KCNMB2: variants seen among roughly 807,000 people sequenced by gnomAD.
KCNMB2 encodes the protein potassium calcium-activated channel subfamily M regulatory beta subunit 2, also known as calcium-activated potassium channel subunit beta-2.
In KCNMB2, 9 loss-of-function variants were observed where a neutral mutation model predicts 24.5. The ratio of observed to expected loss-of-function variants is 0.37; its 90% CI spans 0.22 to 0.64. KCNMB2 has a LOEUF of 0.64. Among genes scored for constraint, KCNMB2 ranks in the 30% least tolerant of loss-of-function variants. The pLI, the probability that KCNMB2 is intolerant of heterozygous loss-of-function variation, is 0.63. For missense variants in KCNMB2, 226 were observed against 284.3 expected (o/e 0.79, Z 1.47); for synonymous variants, 109 against 104.4 (o/e 1.04, Z -0.27).
At chr3:178,824,155 G>A (rs73882876) in intron 2 of KCNMB2, among the ~76,000 whole-genome samples, 1 of 151,782 alleles carries the variant, frequency 6.6e-6, no homozygotes, top group Non-Finnish European at 1.5e-5. Flanking sequence ...CAGCACTTCC[G>A]CATTTCTTTT....
At chr3:178,704,417 T>C (rs1722208598) in intron 1 of KCNMB2, among the ~76,000 whole-genome samples, 1 of 152,176 alleles carries the variant, frequency 6.6e-6, no homozygotes, top group Non-Finnish European at 1.5e-5. Context: ...ATGGTAGTCA[T>C]TAGCCAAACA....
chr3:178,582,424 G>A lies in KCNMB2; in HGVS notation c.-68+45713G>A, dbSNP rs1717248723. Reference sequence around the variant, plus strand: ...TACCTAATGTAGGTGACAGGTTGATGGGTACAGCAAACCACCATGGCACAC... The same window carrying A: ...TACCTAATGTAGGTGACAGGTTGATAGGTACAGCAAACCACCATGGCACAC... On this transcript the variant is annotated intron_variant, in intron 1 of 4. Coordinates refer to ENST00000452583, the MANE Select transcript of KCNMB2 (RefSeq NM_181361.3). Among the ~76,000 whole-genome samples the A allele has an allele frequency of 5.9e-5, 9 of 152,160 alleles. No individual in the cohort carries two copies. In the South Asian group the frequency reaches 1.9e-3, roughly 32 times the overall value.
At chr3:178,688,586 A>T (rs1721552142) in intron 1 of KCNMB2, among the ~76,000 whole-genome samples, 1 of 152,212 alleles carries the variant, frequency 6.6e-6, no homozygotes, top group Non-Finnish European at 1.5e-5. Context: ...GAAGATACAT[A>T]TCCCAGAGGC....
chr3:178,759,316 G>GAT lies in KCNMB2; in HGVS notation c.-67-48010_-67-48009dup, dbSNP rs775862765. 5.5e-4 allele frequency among the ~76,000 whole-genome samples: 32 copies of GAT among 57,878 alleles called. 3 individuals carry two copies. Among genetic ancestry groups the GAT allele is most frequent in the Admixed American group, 1.2e-3 (6 of 4,810 alleles). 38.0% of individuals were successfully genotyped at this position (57,878 alleles called of 152,430 possible). Reference sequence around the variant, plus strand: ...GGAGACATATATATATCTCCAAGAGGATATATATATATATATATCTCCAAG... The same window carrying GAT: ...GGAGACATATATATATCTCCAAGAGGATATATATATATATATATATCTCCAAG... On this transcript the variant is annotated intron_variant, in intron 1 of 4. Coordinates refer to ENST00000452583, the MANE Select transcript of KCNMB2 (RefSeq NM_181361.3).
intron 2 of KCNMB2, among the ~76,000 whole-genome samples, chr3:178,818,286 G>C (rs1344845294): frequency 1.3e-5 from 2 of 152,134 alleles, no homozygotes; most frequent in Non-Finnish European, 2.9e-5. Context: ...TTGTTCTTAA[G>C]TTCTGGGGTA....
chr3:178,815,798 ACC>A (rs1714383628), intron 2 of KCNMB2, among the ~76,000 whole-genome samples: 1 of 152,038 alleles, frequency 6.6e-6, no homozygotes, highest in Non-Finnish European at 1.5e-5. Context: ...TATGATTATA[ACC>A]CTTTAATATA....
rs1714810512 is a variant in KCNMB2, at chr3:178,825,776, G to A, written c.227+18G>A. On this transcript the variant is annotated intron_variant, in intron 3 of 4. Coordinates refer to ENST00000452583, the MANE Select transcript of KCNMB2 (RefSeq NM_181361.3). ...ATGCAGAGGTAATACCACTGGGTGG[G>A]TGGGACCCTGCTGTTTGTCTCCTGC... is the stretch of plus-strand genomic sequence containing the variant. 2 of 1,584,212 alleles carry A rather than the reference G, an allele frequency of 1.3e-6. No individual in the cohort carries two copies. The highest frequency in any genetic ancestry group is 3.4e-5 in the Admixed American group (2 of 59,530).
At chr3:178,756,986 A>AAGT (rs942074715) in intron 1 of KCNMB2, 4 of 151,922 alleles carry the variant, frequency 2.6e-5, no homozygotes, top group African/African-American at 9.7e-5. Context: ...AAATGGGAAG[A>AAGT]AGTGGCACTA....
At chr3:178,685,618 A>T (rs981955054) in intron 1 of KCNMB2, among the ~76,000 whole-genome samples, 1 of 152,216 alleles carries the variant, frequency 6.6e-6, no homozygotes. Context: ...TTTATATAAC[A>T]TCATCCTATT....
At chr3:178,826,531 T>C (rs1214267191) in intron 3 of KCNMB2, among the ~76,000 whole-genome samples, 1 of 152,202 alleles carries the variant, frequency 6.6e-6, no homozygotes, top group Non-Finnish European at 1.5e-5. Context: ...GTAAGCCATG[T>C]AGTAAATCCC....
At chr3:178,626,732 G>T (rs1719131793) in intron 1 of KCNMB2, among the ~76,000 whole-genome samples, 1 of 151,956 alleles carries the variant, frequency 6.6e-6, no homozygotes, top group Admixed American at 6.6e-5. Context: ...CTAGACACAT[G>T]GAGATTATGA....
In KCNMB2 at chr3:178,828,298, G is replaced by C. The variant is rs1434175878; in HGVS notation, c.348G>C (p.Val116=). 1 of 1,613,972 alleles carries C rather than the reference G, an allele frequency of 6.2e-7. No individual in the cohort carries two copies. The highest frequency in any genetic ancestry group is 1.7e-5 in the Admixed American group (1 of 60,004). The change falls in exon 4 of 5, where the codon GTG becomes GTC. Residue 116 remains valine, a synonymous_variant. Transcript: ENST00000452583. ...TTTCTCAGTACCCCTGCCTCCAGGT[G>C]TACGTTAACCTGACTTCTTCCGGGG... ...WKLSQYPCLQ[V]YVNLTSSGEK... is the part of the protein sequence containing the mutation.
intron 1 of KCNMB2, among the ~76,000 whole-genome samples, chr3:178,744,916 G>C (rs1723614291): frequency 6.6e-6 from 1 of 152,158 alleles, no homozygotes; most frequent in South Asian, 2.1e-4. Flanking sequence ...GAAGGTAATG[G>C]TGAACAAGCA....
intron 1 of KCNMB2, among the ~76,000 whole-genome samples, chr3:178,639,049 G>T (rs1271661021): frequency 6.6e-6 from 1 of 152,054 alleles, no homozygotes; most frequent in African/African-American, 2.4e-5. Flanking sequence ...ATCGGTTTTA[G>T]CTGTACTAGA....
chr3:178,724,667 C>T (rs762016012), intron 1 of KCNMB2, among the ~76,000 whole-genome samples: 19 of 152,118 alleles, frequency 1.2e-4, no homozygotes, highest in East Asian at 1.9e-4. Flanking sequence ...ATCCATCTTG[C>T]GTTAATTTTT....
At chr3:178,635,553 T>C (rs1719491574) in intron 1 of KCNMB2, among the ~76,000 whole-genome samples, 2 of 152,192 alleles carry the variant, frequency 1.3e-5, no homozygotes, top group Non-Finnish European at 1.5e-5. Context: ...GTCACAGTTT[T>C]CTATGAATGA....
chr3:178,606,006 T>A (rs1718258203), intron 1 of KCNMB2, among the ~76,000 whole-genome samples: 1 of 152,154 alleles, frequency 6.6e-6, no homozygotes, highest in Non-Finnish European at 1.5e-5. Flanking sequence ...GACCATTTGA[T>A]AAGATTTGTG....
intron 1 of KCNMB2, among the ~76,000 whole-genome samples, chr3:178,675,304 C>A (rs1331054076): frequency 2.0e-5 from 3 of 152,190 alleles, no homozygotes; most frequent in African/African-American, 7.2e-5. Flanking sequence ...CCAAGACTTG[C>A]AGAACTTGAT....
At chr3:178,784,181 A>T (rs1712999223) in intron 1 of KCNMB2, among the ~76,000 whole-genome samples, 1 of 152,186 alleles carries the variant, frequency 6.6e-6, no homozygotes, top group Admixed American at 6.6e-5. Flanking sequence ...GGGAGAAATA[A>T]TTTACATTTA....
Sources: allele counts gnomAD v4.1 joint callset (sites outside exome capture counted in the v4.1 genomes callset), GRCh38; gene constraint gnomAD v4.1.1; transcripts MANE v1.5; gene names NCBI Gene and HGNC (gene_info 2026-07-23, HGNC 2026-07-21).